Variants in PARP4 observed in about 807,000 individuals in gnomAD.
The protein encoded by PARP4 is protein mono-ADP-ribosyltransferase PARP4.
In PARP4, 120 loss-of-function variants were observed where a neutral mutation model predicts 187.7. That is an observed-to-expected ratio of 0.64 (90% confidence interval 0.55 to 0.74). The LOEUF (loss-of-function observed/expected upper bound fraction) is 0.74, where lower values mean the gene tolerates loss of function less well. PARP4 is among the 30% of genes least tolerant of loss of function. The pLI is 0.00. For synonymous variants in PARP4, 654 were observed against 740.9 expected (o/e 0.88, Z 1.90); for missense variants, 1,836 against 2,070.5 (o/e 0.89, Z 2.20).
rs201307701 is a variant in PARP4 at position 24,493,762 on chromosome 13, A to G, written c.742-29T>C. ...CAATAATAAAATAGAAATGCCACCA[A>G]AAAGTCATCATGTGTGAGTTTGTGT... is the stretch of plus-strand genomic sequence containing the variant. On this transcript the variant is annotated intron_variant, in intron 7 of 33. Transcript: ENST00000381989. 1,105 of 1,610,974 alleles carry G rather than the reference A, an allele frequency of 6.9e-4. 2 individuals carry two copies. Among genetic ancestry groups the G allele is most frequent in the Middle Eastern group, 2.1e-3 (13 of 6,050 alleles).
intron 15 of PARP4, among the ~76,000 whole-genome samples, chr13:24,474,635 G>A (rs936019858): frequency 1.3e-5 from 2 of 151,606 alleles, no homozygotes; most frequent in Admixed American, 6.6e-5. Flanking sequence ...TCACAGGTGC[G>A]GCTCCCGCAG....
intron 30 of PARP4, among the ~76,000 whole-genome samples, chr13:24,440,248 A>G (rs1157845041): frequency 6.6e-6 from 1 of 151,952 alleles, no homozygotes; most frequent in African/African-American, 2.4e-5. Context: ...AAATACAAAA[A>G]TTAGCTGAGT....
intron 2 of PARP4, among the ~76,000 whole-genome samples, chr13:24,503,160 T>C (rs1869403928): frequency 6.6e-6 from 1 of 152,256 alleles, no homozygotes; most frequent in Admixed American, 6.5e-5. Flanking sequence ...GGTAAATTCC[T>C]GCAGCCTTTA....
At chr13:24,507,765 C>T (rs1192345613) in intron 1 of PARP4, among the ~76,000 whole-genome samples, 1 of 152,204 alleles carries the variant, frequency 6.6e-6, no homozygotes, top group African/African-American at 2.4e-5. Context: ...TCAAGGCCAA[C>T]AGCTATCTCA....
chr13:24,497,476 A>C (rs557563565), intron 6 of PARP4, among the ~76,000 whole-genome samples: 1 of 152,310 alleles, frequency 6.6e-6, no homozygotes, highest in South Asian at 2.1e-4. Context: ...AATATCCCAA[A>C]AGTGATGTGG....
Position 24,434,982 on chromosome 13 carries a change from G to T in PARP4, c.4159C>A (p.Pro1387Thr). 1 of 1,613,860 alleles carries T rather than the reference G, an allele frequency of 6.2e-7. No individual in the cohort carries two copies. Among genetic ancestry groups the T allele is most frequent in the Non-Finnish European group, 8.5e-7 (1 of 1,179,952 alleles). ...GGTGAAGAAGGTGGGTTCTGGGGAG[G>T]TCCTGTGGGACAAGACGCCGACTGT... ...IPQSASCPTG[P>T]PQNPPSSPYC... The change falls in exon 31 of 34, where the codon CCT (proline) becomes ACT (threonine). Residue 1387 changes from proline to threonine, a missense_variant. Physicochemically the swap from Pro to Thr is conservative, Grantham distance 38. This residue lies in a region of PARP4 where 450 missense variants were observed against 439.2 expected (regional missense o/e 1.02). Coordinates refer to ENST00000381989, the MANE Select transcript of PARP4 (RefSeq NM_006437.4).
intron 23 of PARP4, 37 bp from the exon 24 acceptor site, chr13:24,452,630 T>C (rs1274294495): frequency 4.6e-6 from 7 of 1,535,652 alleles, no homozygotes; most frequent in Non-Finnish European, 6.2e-6. Flanking sequence ...GTTCTCCTTG[T>C]TGGATGCAGT....
Position 24,500,373 on chromosome 13 carries a change from G to A in PARP4, c.344C>T (p.Thr115Ile), listed in dbSNP as rs148703670. Residue 115 changes from threonine (T) to isoleucine (I), a missense_variant, in exon 4 of 34, where the codon ACA becomes ATA. By Grantham distance (89) the Thr-to-Ile change is moderately conservative. This residue lies in a region of PARP4 where 1,147 missense variants were observed against 1,214.2 expected (regional missense o/e 0.94). Coordinates refer to ENST00000381989, the MANE Select transcript of PARP4 (RefSeq NM_006437.4). ...DQKASSSEVKTEGLCPDSATE... is the reference protein window; with the variant it reads ...DQKASSSEVKIEGLCPDSATE... ...GGCACTGTCCGGGCATAGACCTTCT[G>A]TTTTCACTTCTAGAATTAAAAGCAA... 5.6e-6 allele frequency: 9 copies of A among 1,600,310 alleles called. No individual in the cohort carries two copies. The highest frequency in any genetic ancestry group is 7.7e-6 in the Non-Finnish European group (9 of 1,171,858).
At chr13:24,477,670 C>T (rs1419937924) in intron 14 of PARP4, 31 bp downstream of exon 14, 2 of 1,280,540 alleles carry the variant, frequency 1.6e-6, no homozygotes, top group Non-Finnish European at 2.2e-6. Context: ...AATATAATAA[C>T]ATAAAACAGC....
intron 11 of PARP4, among the ~76,000 whole-genome samples, chr13:24,485,351 A>G (rs1354534156): frequency 6.6e-6 from 1 of 152,170 alleles, no homozygotes; most frequent in African/African-American, 2.4e-5. Flanking sequence ...ATGTTGTAGA[A>G]TCAGCTTTTC....
At chr13:24,477,971 A>G (rs1382151311) in intron 13 of PARP4, 114 bp from the exon 14 acceptor site, 1 of 1,060,074 alleles carries the variant, frequency 9.4e-7, no homozygotes, top group South Asian at 1.7e-5. Flanking sequence ...GAATTAATTC[A>G]TGCAGTAAAT....
chr13:24,434,958 G>A lies in PARP4; in HGVS notation c.4183C>T (p.Pro1395Ser), dbSNP rs1277420570. 6.2e-7 allele frequency: 1 copy of A among 1,613,958 alleles called. No individual in the cohort carries two copies. The highest frequency in any genetic ancestry group is 1.7e-5 in the Admixed American group (1 of 60,022). Residue 1395 changes from proline to serine, a missense_variant, in exon 31 of 34, where the codon CCC becomes TCC. By Grantham distance (74) the Pro-to-Ser change is moderately conservative. This residue lies in a region of PARP4 where 450 missense variants were observed against 439.2 expected (regional missense o/e 1.02). Transcript: ENST00000381989. The part of the protein sequence containing the change: ...TGPPQNPPSS[P>S]YCGIVFSGSS... ...CCTGAAAAAACAATGCCACAATAGG[G>A]TGAAGAAGGTGGGTTCTGGGGAGGT...
At chr13:24,463,043 C>G (rs1872288454) in intron 17 of PARP4, among the ~76,000 whole-genome samples, 2 of 151,974 alleles carry the variant, frequency 1.3e-5, no homozygotes, top group Admixed American at 1.3e-4. Flanking sequence ...GAACTCCAAG[C>G]AAAATAAGCA....
At chr13:24,493,514 T>A in intron 8 of PARP4, 82 bp downstream of exon 8, 4 of 1,350,114 alleles carry the variant, frequency 3.0e-6, no homozygotes, top group Non-Finnish European at 4.1e-6. Context: ...CAGGCCAGCA[T>A]GCAAACACAC....
intron 1 of PARP4, among the ~76,000 whole-genome samples, chr13:24,508,781 T>C (rs1270524174): frequency 6.6e-6 from 1 of 152,186 alleles, no homozygotes; most frequent in Non-Finnish European, 1.5e-5. Flanking sequence ...CCCTAAGTGC[T>C]GGGATTACAG....
In PARP4 at chr13:24,501,773, TG is replaced by T. The variant is rs763279065; in HGVS notation, c.193del (p.Gln65LysfsTer25). 6 of 1,612,966 alleles carry T rather than the reference TG, an allele frequency of 3.7e-6. No individual in the cohort carries two copies. The highest frequency in any genetic ancestry group is 5.1e-6 in the Non-Finnish European group (6 of 1,179,032). ...GTTTGCAATATGAACGTGGTTCTTT[TG>T]GATAGAATTCAGTTGGTACTGACTC... ...VLSQYQLNSI[Q>X]KNHVHIANPD... On this transcript the variant is annotated frameshift_variant, in exon 3 of 34. Transcript: ENST00000381989. LOFTEE classifies it high-confidence loss of function.
intron 32 of PARP4, 99 bp downstream of exon 32, chr13:24,431,278 C>T (rs1179584538): frequency 1.5e-6 from 1 of 678,078 alleles, no homozygotes; most frequent in Non-Finnish European, 2.5e-6. Context: ...ATAATTATTA[C>T]ATTAATACAC....
intron 25 of PARP4, among the ~76,000 whole-genome samples, 188 bp from the exon 26 acceptor site, chr13:24,447,374 A>G (rs945592005): frequency 2.0e-5 from 3 of 152,164 alleles, no homozygotes; most frequent in African/African-American, 7.2e-5. Flanking sequence ...TATTTATTTT[A>G]TTTTGAGATG....
At chr13:24,496,962 G>A (rs1593650064) in intron 6 of PARP4, among the ~76,000 whole-genome samples, 1 of 152,172 alleles carries the variant, frequency 6.6e-6, no homozygotes, top group South Asian at 2.1e-4. Flanking sequence ...GGCAGAGGTT[G>A]CAGTGAGCCG....
Sources: gnomAD v4.1 joint callset for allele counts (sites outside exome capture counted in the v4.1 genomes callset) on GRCh38, gnomAD v4.1.1 for gene constraint, gnomAD v4.1.1 regional missense constraint, MANE v1.5 for transcripts, NCBI Gene and HGNC (gene_info 2026-07-23, HGNC 2026-07-21) for gene names.